The following FUT8 variants were observed in gnomAD, a reference collection of about 807,000 sequenced individuals.
The protein encoded by FUT8 is fucosyltransferase 8.
In FUT8, 29 loss-of-function variants were observed where a neutral mutation model predicts 71.3. That is an observed-to-expected ratio of 0.41 (90% CI 0.30 to 0.55). FUT8 has a LOEUF of 0.55. FUT8 is among the 20% of genes least tolerant of loss of function. The probability of loss-of-function intolerance (pLI) is 0.34; values close to 1 mark genes in which losing one functional copy is unlikely to be tolerated. For synonymous variants in FUT8, 254 were observed against 239.3 expected (o/e 1.06, Z -0.57); for missense variants, 544 against 702.1 (o/e 0.77, Z 2.55).
chr14:65,658,118 G>T (rs74620477), intron 6 of FUT8, among the ~76,000 whole-genome samples: 2,667 of 152,138 alleles, frequency 0.018, 79 homozygotes, highest in African/African-American at 0.061. Flanking sequence ...AATCTCAATA[G>T]TAAGAAACAA....
chr14:65,436,561 G>A (rs1232829159), intron 1 of FUT8, among the ~76,000 whole-genome samples: 1 of 151,840 alleles, frequency 6.6e-6, no homozygotes, highest in Non-Finnish European at 1.5e-5. Flanking sequence ...CCTGGGAGGT[G>A]GAGCTGGCAG....
chr14:65,470,571 C>G (rs2066127302), intron 2 of FUT8, among the ~76,000 whole-genome samples: 2 of 152,210 alleles, frequency 1.3e-5, no homozygotes, highest in Admixed American at 1.3e-4. Flanking sequence ...GGGAGCTACC[C>G]CAGTTGCCCT....
At chr14:65,394,878 G>A in the FUT8 span, among the ~76,000 whole-genome samples, 8 of 151,710 alleles carry the variant, frequency 5.3e-5, no homozygotes, top group East Asian at 3.9e-4. Flanking sequence ...CCTGAGTAGC[G>A]GACTACAGGC....
intron 1 of FUT8, among the ~76,000 whole-genome samples, chr14:65,429,002 A>G (rs1049825804): frequency 1.3e-5 from 2 of 152,236 alleles, no homozygotes; most frequent in Non-Finnish European, 2.9e-5. Flanking sequence ...CATTCAGGTT[A>G]TAAACTAGGA....
At chr14:65,535,770 G>C (rs1161320879) in intron 2 of FUT8, among the ~76,000 whole-genome samples, 1 of 152,164 alleles carries the variant, frequency 6.6e-6, no homozygotes, top group Non-Finnish European at 1.5e-5. Flanking sequence ...TTTTGGGGTA[G>C]AGTTCTATAG....
intron 7 of FUT8, among the ~76,000 whole-genome samples, chr14:65,674,758 A>C (rs1450595195): frequency 6.6e-6 from 1 of 152,202 alleles, no homozygotes; most frequent in Non-Finnish European, 1.5e-5. Context: ...TATGATAGTT[A>C]TTCTGTGTAA....
intron 2 of FUT8, among the ~76,000 whole-genome samples, chr14:65,459,815 T>C (rs570772970): frequency 2.6e-5 from 4 of 152,286 alleles, no homozygotes; most frequent in South Asian, 4.1e-4. Context: ...TTGATAAAAC[T>C]TGATTCACTG....
chr14:65,447,600 AT>A (rs1836086264), intron 1 of FUT8, among the ~76,000 whole-genome samples: 1 of 151,900 alleles, frequency 6.6e-6, no homozygotes, highest in Admixed American at 6.6e-5. Flanking sequence ...TTTTTTTCAA[AT>A]GGTATCTTGT....
intron 3 of FUT8, among the ~76,000 whole-genome samples, chr14:65,572,432 A>C (rs1886528479): frequency 6.6e-6 from 1 of 152,230 alleles, no homozygotes; most frequent in Non-Finnish European, 1.5e-5. Context: ...ACAGTTAAAT[A>C]GCTTGCTGAA....
At chr14:65,633,992 G>A (rs1328340694) in intron 6 of FUT8, among the ~76,000 whole-genome samples, 2 of 151,666 alleles carry the variant, frequency 1.3e-5, no homozygotes, top group South Asian at 2.1e-4. Context: ...GGTGAGGGGC[G>A]CCTCTGCCCG....
At position 65,611,197 on chromosome 14, in the gene FUT8, ACGCGCGCGCGCGCGCG is replaced by A. The variant is rs112404723; in HGVS notation, c.204-4769_204-4754del. Among the ~76,000 whole-genome samples the A allele has an allele frequency of 9.2e-3, 564 of 61,352 alleles. 76 individuals are homozygous for A. The highest frequency in any genetic ancestry group is 0.046 in the East Asian group (128 of 2,802). 40.2% of individuals were successfully genotyped at this position (61,352 alleles called of 152,430 possible). On this transcript the variant is annotated intron_variant, in intron 3 of 10. Coordinates refer to ENST00000673929, the MANE Select transcript of FUT8 (RefSeq NM_001371533.1). ...TTTTAAGTGTCATACACACACACAC[ACGCGCGCGCGCGCGCG>A]CGCGCGCGCGCACACACACACACAC...
chr14:65,383,184 T>C, the FUT8 span, among the ~76,000 whole-genome samples: 247 of 151,970 alleles, frequency 1.6e-3, 2 homozygotes, highest in Non-Finnish European at 4.4e-4. Context: ...TTTCACATGC[T>C]AGTAGAGAGA....
In FUT8 at chr14:65,714,130, C is replaced by T. The variant is rs565157592; in HGVS notation, c.836-7645C>T. 7.4e-4 allele frequency among the ~76,000 whole-genome samples: 113 copies of T among 152,320 alleles called. 4 individuals carry two copies. The South Asian group carries it at 0.022, about 30-fold the overall frequency. Reference sequence around the variant, plus strand: ...AGCACCATTTATTGAAGAGAGTTTCCTTTCCTCAGTGTATATTCTTGGCAC... The same window carrying T: ...AGCACCATTTATTGAAGAGAGTTTCTTTTCCTCAGTGTATATTCTTGGCAC... On this transcript the variant is annotated intron_variant, in intron 7 of 10. Coordinates refer to ENST00000673929, the MANE Select transcript of FUT8 (RefSeq NM_001371533.1).
chr14:65,501,212 A>G (rs938119695), intron 2 of FUT8, among the ~76,000 whole-genome samples: 2 of 152,222 alleles, frequency 1.3e-5, no homozygotes, highest in African/African-American at 4.8e-5. Context: ...ACCTGTCTCT[A>G]CAGAATTACA....
intron 3 of FUT8, among the ~76,000 whole-genome samples, chr14:65,571,392 A>G (rs965136201): frequency 5.3e-5 from 8 of 152,128 alleles, no homozygotes; most frequent in Non-Finnish European, 1.2e-4. Flanking sequence ...TGTGTGGCAC[A>G]AAGTAAAAAT....
At chr14:65,375,397 A>G in the FUT8 span, among the ~76,000 whole-genome samples, 1 of 152,138 alleles carries the variant, frequency 6.6e-6, no homozygotes, top group East Asian at 1.9e-4. Flanking sequence ...AGGAGGGAGG[A>G]TTGTTTGAGC....
intron 3 of FUT8, among the ~76,000 whole-genome samples, chr14:65,614,058 A>G (rs1889149266): frequency 6.6e-6 from 1 of 151,310 alleles, no homozygotes; most frequent in African/African-American, 2.4e-5. Context: ...TGGTTGTGGC[A>G]AGCCAAGATC....
At chr14:65,399,261 G>A in the FUT8 span, among the ~76,000 whole-genome samples, 2 of 152,212 alleles carry the variant, frequency 1.3e-5, no homozygotes, top group East Asian at 3.9e-4. Context: ...AGGTTGCAGT[G>A]AGCCGCGATC....
chr14:65,639,929 T>TTAAAATCATCAAATAACCAGTTGTTGATC (rs1377504632), intron 6 of FUT8, among the ~76,000 whole-genome samples: 52 of 152,266 alleles, frequency 3.4e-4, no homozygotes, highest in Non-Finnish European at 2.9e-5. Context: ...GAATCATTGT[T>TTAAAATCATCAAATAACCAGTTGTTGATC]TAAAATCATC....
Sources: gnomAD v4.1 joint callset for allele counts (sites outside exome capture counted in the v4.1 genomes callset) on GRCh38, gnomAD v4.1.1 for gene constraint, MANE v1.5 for transcripts, NCBI Gene and HGNC (gene_info 2026-07-23, HGNC 2026-07-21) for gene names.